FARS2: variants seen among roughly 807,000 people sequenced by gnomAD.
FARS2 encodes phenylalanyl-tRNA synthetase 2, mitochondrial.
FARS2 carries 40 observed loss-of-function variants against 46.4 expected under a neutral mutation model. The ratio of observed to expected loss-of-function variants is 0.86; its 90% CI spans 0.67 to 1.12. FARS2 has a LOEUF of 1.12. Ranked by LOEUF, FARS2 falls within the 50% of genes most tolerant of loss-of-function variation. FARS2 has a pLI of 0.00. For missense variants in FARS2, 513 were observed against 567.9 expected, an observed-to-expected ratio of 0.90 and a Z score of 0.98; for synonymous variants, 234 against 214.9, an observed-to-expected ratio of 1.09 and a Z score of -0.78.
intron 5 of FARS2, among the ~76,000 whole-genome samples, chr6:5,562,787 TC>T (rs1772074404): frequency 6.6e-6 from 1 of 151,454 alleles, no homozygotes; most frequent in African/African-American, 2.4e-5. Flanking sequence ...CCATTTCTTT[TC>T]TTTTCTTTTT....
intron 4 of FARS2, among the ~76,000 whole-genome samples, chr6:5,435,518 C>T (rs1482941044): frequency 1.3e-5 from 2 of 152,150 alleles, no homozygotes; most frequent in Admixed American, 6.5e-5. Flanking sequence ...GTGTCTTCAC[C>T]GTTGATTTCT....
chr6:5,753,645 C>T (rs930865781), intron 6 of FARS2, among the ~76,000 whole-genome samples: 17 of 152,322 alleles, frequency 1.1e-4, no homozygotes, highest in African/African-American at 3.1e-4. Flanking sequence ...GGGAACAGCA[C>T]GTCTGTCTTC....
intron 6 of FARS2, among the ~76,000 whole-genome samples, chr6:5,649,991 G>A (rs1036017393): frequency 1.3e-5 from 2 of 152,198 alleles, no homozygotes; most frequent in African/African-American, 4.8e-5. Context: ...CATTGGGAAA[G>A]GTTCAGGTGA....
At chr6:5,756,316 A>G (rs1236711361) in intron 6 of FARS2, among the ~76,000 whole-genome samples, 1 of 152,108 alleles carries the variant, frequency 6.6e-6, no homozygotes, top group Non-Finnish European at 1.5e-5. Flanking sequence ...ACTCTTACAT[A>G]TTGTATTAGT....
intron 6 of FARS2, among the ~76,000 whole-genome samples, chr6:5,729,042 G>A (rs200368275): frequency 2.3e-3 from 345 of 152,304 alleles, no homozygotes; most frequent in Admixed American, 3.6e-3. Flanking sequence ...AGGAGATTCC[G>A]ATGGCTTTCG....
intron 6 of FARS2, among the ~76,000 whole-genome samples, chr6:5,729,353 G>T (rs569585826): frequency 2.0e-5 from 3 of 152,254 alleles, no homozygotes; most frequent in Non-Finnish European, 2.9e-5. Context: ...GCCCTCCCAC[G>T]GGCACAGCAG....
intron 5 of FARS2, among the ~76,000 whole-genome samples, chr6:5,595,759 C>T (rs144864011): frequency 1.3e-4 from 20 of 152,232 alleles, no homozygotes; most frequent in African/African-American, 4.3e-4. Context: ...GTTTACGATA[C>T]GCTTACCGAC....
At chr6:5,735,027 T>TGTG (rs1460579886) in intron 6 of FARS2, among the ~76,000 whole-genome samples, 2 of 152,250 alleles carry the variant, frequency 1.3e-5, no homozygotes, top group African/African-American at 2.4e-5. Flanking sequence ...TATTGCCAGA[T>TGTG]GTGTCACCTG....
intron 6 of FARS2, among the ~76,000 whole-genome samples, chr6:5,614,483 C>T (rs1442777769): frequency 6.6e-6 from 1 of 150,970 alleles, no homozygotes; most frequent in East Asian, 1.9e-4. Context: ...GATCTCGGCT[C>T]ACTGCAAGCT....
chr6:5,736,408 C>T (rs1027564324), intron 6 of FARS2, among the ~76,000 whole-genome samples: 3 of 152,192 alleles, frequency 2.0e-5, no homozygotes, highest in Non-Finnish European at 4.4e-5. Context: ...CTCTAGGGGG[C>T]ATCTCTGGAG....
intron 5 of FARS2, among the ~76,000 whole-genome samples, chr6:5,553,969 C>G (rs1442456391): frequency 6.6e-6 from 1 of 152,144 alleles, no homozygotes; most frequent in Non-Finnish European, 1.5e-5. Flanking sequence ...AAACTCACTT[C>G]CTTCTCTGTT....
chr6:5,467,418 A>G (rs1765570052), intron 4 of FARS2, among the ~76,000 whole-genome samples: 1 of 152,214 alleles, frequency 6.6e-6, no homozygotes, highest in African/African-American at 2.4e-5. Flanking sequence ...GAGTCCTACA[A>G]GCTTATGAGC....
At chr6:5,300,561 G>A (rs3888024) in intron 1 of FARS2, among the ~76,000 whole-genome samples, 3 of 152,156 alleles carry the variant, frequency 2.0e-5, no homozygotes, top group Non-Finnish European at 4.4e-5. Context: ...AATTACTGAG[G>A]TGACAGGTGT....
chr6:5,388,791 A>T (rs1420906917), intron 2 of FARS2, among the ~76,000 whole-genome samples: 2 of 151,382 alleles, frequency 1.3e-5, no homozygotes, highest in African/African-American at 4.9e-5. Flanking sequence ...ATGGATCTGT[A>T]TTTTCTCCAA....
At chr6:5,692,172 C>T (rs1232287836) in intron 6 of FARS2, among the ~76,000 whole-genome samples, 1 of 152,354 alleles carries the variant, frequency 6.6e-6, no homozygotes, top group South Asian at 2.1e-4. Context: ...TCGGCTCATG[C>T]TCGGTGCGCT....
At chr6:5,349,744 G>A (rs1013574723) in intron 1 of FARS2, among the ~76,000 whole-genome samples, 7 of 151,910 alleles carry the variant, frequency 4.6e-5, no homozygotes, top group Non-Finnish European at 8.8e-5. Context: ...AATCTTTTCC[G>A]GGCTGTGACT....
chr6:5,487,958 A>G (rs1053383459), intron 4 of FARS2, among the ~76,000 whole-genome samples: 1 of 152,180 alleles, frequency 6.6e-6, no homozygotes, highest in African/African-American at 2.4e-5. Context: ...TTGTAGGGGC[A>G]TGGAAGCTGG....
intron 5 of FARS2, among the ~76,000 whole-genome samples, chr6:5,594,285 G>A (rs1774080481): frequency 6.6e-6 from 1 of 152,198 alleles, no homozygotes; most frequent in African/African-American, 2.4e-5. Context: ...CATTCCCTGA[G>A]CAACTTATCA....
At chr6:5,549,618 A>G (rs1771252330) in intron 5 of FARS2, among the ~76,000 whole-genome samples, 1 of 152,152 alleles carries the variant, frequency 6.6e-6, no homozygotes, top group Admixed American at 6.5e-5. Context: ...TTGCTGGGTA[A>G]TTCAGGATAA....
Sources: gnomAD v4.1 joint callset for allele counts (sites outside exome capture counted in the v4.1 genomes callset) on GRCh38, gnomAD v4.1.1 for gene constraint, MANE v1.5 for transcripts, NCBI Gene and HGNC (gene_info 2026-07-23, HGNC 2026-07-21) for gene names.